WNT11: variants seen among roughly 807,000 people sequenced by gnomAD.
WNT11 encodes Wnt family member 11.
A neutral mutation model predicts 35.6 loss-of-function variants in WNT11; 20 were observed. The observed-to-expected ratio is 0.56, with a 90% confidence interval of 0.40 to 0.82. The LOEUF is 0.82. WNT11 is among the 40% of genes least tolerant of loss of function. The pLI is 0.00. For missense variants in WNT11, 459 were observed against 504.4 expected (o/e 0.91, Z 0.86); for synonymous variants, 200 against 211.9 (o/e 0.94, Z 0.49).
chr11:76,194,810 C>A lies in WNT11; in HGVS notation c.354G>T (p.Ser118=). The change falls in exon 3 of 5, where the codon TCG becomes TCT. Residue 118 remains serine (S), a synonymous_variant. Coordinates refer to ENST00000322563, the MANE Select transcript of WNT11 (RefSeq NM_004626.3). This position sits in a 1 kb window ranked among gnomAD's most constrained non-coding sequence, Gnocchi z 5.4. Reference sequence around the variant, plus strand: ...CGATGGCGTGGCTGATGGCGGCGGCCGACAGCGCATACACGAAGGCCGACT... The same window carrying A: ...CGATGGCGTGGCTGATGGCGGCGGCAGACAGCGCATACACGAAGGCCGACT... ...TRESAFVYAL[S]AAAISHAIAR... is the part of the protein sequence containing the mutation. The A allele has an allele frequency of 6.5e-7, 1 of 1,546,316 alleles. No homozygotes were observed. The highest frequency in any genetic ancestry group is 8.7e-7 in the Non-Finnish European group (1 of 1,152,768).
chr11:76,205,712 C>T (rs1953461623), intron 1 of WNT11, among the ~76,000 whole-genome samples: 1 of 152,228 alleles, frequency 6.6e-6, no homozygotes, highest in African/African-American at 2.4e-5. Context: ...GCCTCTCTCT[C>T]CCTCCTACCC....
chr11:76,199,365 G>A (rs1380797481), intron 1 of WNT11, among the ~76,000 whole-genome samples: 1 of 151,762 alleles, frequency 6.6e-6, no homozygotes, highest in Non-Finnish European at 1.5e-5. Context: ...CATGCCTATA[G>A]TCTGAACTAC....
chr11:76,190,429 A>G (rs1953165868), intron 4 of WNT11, among the ~76,000 whole-genome samples: 1 of 151,686 alleles, frequency 6.6e-6, no homozygotes, highest in East Asian at 1.9e-4. Flanking sequence ...CGACCCCCTC[A>G]ATCTGGCCTC....
rs1953113715 is a variant in WNT11 at position 76,187,362 on chromosome 11, G to A, written c.891-123C>T. 4.3e-6 allele frequency: 4 copies of A among 935,186 alleles called. No individual in the cohort carries two copies. In the South Asian group the frequency reaches 1.1e-4, roughly 25 times the overall value. The allele number at this position is 935,186 out of a possible 1,614,324, so 57.9% of individuals were successfully genotyped here. A position where few individuals can be genotyped will look rare whatever the true frequency, so the allele number is the denominator to read the frequency against. On this transcript the variant is annotated intron_variant, in intron 4 of 4. Coordinates refer to ENST00000322563, the MANE Select transcript of WNT11 (RefSeq NM_004626.3). ...GCCACCGACTCAGCCCTTCTTAGAAGCTGTCTTGATCTTTGGGGAATTTTA... is the reference window on the plus strand; with the variant it reads ...GCCACCGACTCAGCCCTTCTTAGAAACTGTCTTGATCTTTGGGGAATTTTA...
chr11:76,200,934 G>A (rs1001444895), intron 1 of WNT11, among the ~76,000 whole-genome samples: 1 of 152,238 alleles, frequency 6.6e-6, no homozygotes, highest in African/African-American at 2.4e-5. Flanking sequence ...CTCAAGCCAC[G>A]GGGTGGGACG....
chr11:76,201,867 C>T (rs1953385390), intron 1 of WNT11, among the ~76,000 whole-genome samples: 1 of 152,164 alleles, frequency 6.6e-6, no homozygotes, highest in Non-Finnish European at 1.5e-5. Flanking sequence ...CGCCAGCAAC[C>T]CTACCCTCAG....
intron 1 of WNT11, among the ~76,000 whole-genome samples, chr11:76,204,716 G>A (rs530120892): frequency 3.3e-5 from 5 of 152,180 alleles, no homozygotes; most frequent in African/African-American, 9.6e-5. Context: ...AGAGGACATG[G>A]ACGTCAGGTT....
chr11:76,208,897 G>A (rs570676878), upstream of WNT11, among the ~76,000 whole-genome samples: 4 of 152,280 alleles, frequency 2.6e-5, no homozygotes, highest in East Asian at 1.9e-4. Flanking sequence ...GCAGGCCACG[G>A]GGTCACCTTC....
chr11:76,197,817 C>T (rs1419307786), intron 1 of WNT11, among the ~76,000 whole-genome samples: 3 of 152,076 alleles, frequency 2.0e-5, no homozygotes, highest in Admixed American at 1.3e-4. Context: ...TTCTCCTAGG[C>T]CTTCTCTGAG....
intron 4 of WNT11, among the ~76,000 whole-genome samples, chr11:76,187,504 C>T (rs996854835): frequency 1.3e-5 from 2 of 152,046 alleles, no homozygotes; most frequent in Non-Finnish European, 2.9e-5. Flanking sequence ...ACTCTGTTGC[C>T]CAGGCTGGAG....
upstream of WNT11, chr11:76,206,605 G>T (rs1201791267): frequency 1.7e-6 from 2 of 1,150,666 alleles, no homozygotes; most frequent in Non-Finnish European, 1.1e-6. Context: ...GGCCGAGCGC[G>T]GCGGGCGTCC....
At chr11:76,204,343 G>A (rs1052107729) in intron 1 of WNT11, among the ~76,000 whole-genome samples, 1 of 152,108 alleles carries the variant, frequency 6.6e-6, no homozygotes, top group African/African-American at 2.4e-5. Flanking sequence ...CCAAGCTCTC[G>A]GAGCAGCGTC....
upstream of WNT11, among the ~76,000 whole-genome samples, chr11:76,207,180 G>A (rs1414673179): frequency 6.6e-6 from 1 of 152,092 alleles, no homozygotes; most frequent in Admixed American, 6.6e-5. Flanking sequence ...TGCCCAACAT[G>A]GCAAAACCCC....
At chr11:76,199,720 G>A (rs998179793) in intron 1 of WNT11, among the ~76,000 whole-genome samples, 1 of 152,288 alleles carries the variant, frequency 6.6e-6, no homozygotes. Flanking sequence ...GGACCTGGGA[G>A]GCAGAGATTG....
chr11:76,209,289 G>C (rs544056179), upstream of WNT11, among the ~76,000 whole-genome samples: 2 of 152,008 alleles, frequency 1.3e-5, no homozygotes, highest in East Asian at 3.9e-4. Flanking sequence ...CTGTGCACAG[G>C]GAGAACACCA....
chr11:76,187,224 T>C lies in WNT11; in HGVS notation c.906A>G (p.Thr302=). ...HGTQDRQCNK[T]SNGSDSCDLM... ...GGTCGCAGCTGTCGCTTCCGTTGGA[T>C]GTCTTGTTGCACTGCCTATTGTGGG... is the stretch of plus-strand genomic sequence containing the variant. Residue 302 remains threonine (T), a synonymous_variant, in exon 5 of 5, where the codon ACA becomes ACG. Coordinates refer to ENST00000322563, the MANE Select transcript of WNT11 (RefSeq NM_004626.3). 1 of 1,603,386 alleles carries C rather than the reference T, an allele frequency of 6.2e-7. No individual in the cohort carries two copies. The highest frequency in any genetic ancestry group is 8.5e-7 in the Non-Finnish European group (1 of 1,179,922).
At chr11:76,208,467 C>A (rs150548358), upstream of WNT11, among the ~76,000 whole-genome samples, 1 of 152,208 alleles carries the variant, frequency 6.6e-6, no homozygotes, top group African/African-American at 2.4e-5. Context: ...CCTTTGTCTT[C>A]CTGGTCCTGC....
upstream of WNT11, chr11:76,210,507 C>T (rs921231031): frequency 2.0e-5 from 20 of 985,118 alleles, no homozygotes; most frequent in African/African-American, 3.3e-4. Flanking sequence ...CCTGCGTGCC[C>T]GGGTGCCCCG....
chr11:76,206,318 T>C lies in WNT11; in HGVS notation c.83+7A>G, dbSNP rs1185132475. On this transcript the variant is annotated splice_region_variant and intron_variant, in intron 1 of 4. Transcript: ENST00000322563. ...CCTGTGCGCGTGGACGCGGGGTCCC[T>C]ACTCACAGCCACTTGATGCCATAGC... The C allele has an allele frequency of 1.9e-6, 3 of 1,550,720 alleles. No homozygotes were observed. The South Asian group carries it at 3.6e-5, about 19-fold the overall frequency.
Sources: allele counts gnomAD v4.1 joint callset (sites outside exome capture counted in the v4.1 genomes callset), GRCh38; gene constraint gnomAD v4.1.1; non-coding constraint Gnocchi (gnomAD v3.1); transcripts MANE v1.5; gene names NCBI Gene and HGNC (gene_info 2026-07-23, HGNC 2026-07-21).